EIF4G3: variants seen among roughly 807,000 people sequenced by gnomAD.
EIF4G3 encodes the protein eukaryotic translation initiation factor 4 gamma 3.
Under a neutral mutation model 186.4 loss-of-function variants are expected in EIF4G3, and 34 were observed. The ratio of observed to expected loss-of-function variants is 0.18; its 90% CI spans 0.14 to 0.24. The LOEUF is 0.24. EIF4G3 is among the 10% of genes least tolerant of loss of function. The probability of loss-of-function intolerance (pLI) is 1.00; values close to 1 mark genes in which losing one functional copy is unlikely to be tolerated. For missense variants in EIF4G3, 1,536 were observed against 1,948.5 expected (o/e 0.79, Z 3.99); for synonymous variants, 673 against 679.5 (o/e 0.99, Z 0.15).
chr1:21,099,308 G>A lies in EIF4G3; in HGVS notation c.-271-10095C>T, dbSNP rs188275171. On this transcript the variant is annotated intron_variant, in intron 2 of 36. Coordinates refer to ENST00000602326, the MANE Select transcript of EIF4G3 (RefSeq NM_001391906.1). ...ACAACTTAAATTTACACAAAACCCTGAACACAAATGCTTGCAGCAGTTTCA... is the reference window on the plus strand; with the variant it reads ...ACAACTTAAATTTACACAAAACCCTAAACACAAATGCTTGCAGCAGTTTCA... Among the ~76,000 whole-genome samples, 1,034 of 152,218 alleles carry A rather than the reference G, an allele frequency of 6.8e-3. 13 individuals carry two copies. Among genetic ancestry groups the A allele is most frequent in the African/African-American group, 0.024 (981 of 41,512 alleles).
chr1:20,816,841 G>A lies in EIF4G3; in HGVS notation c.4515+551C>T, dbSNP rs1410163916. The stretch of plus-strand genomic sequence containing the variant: ...GAAAAAATTGAGAAATCGGATGGTT[G>A]CCGGGTCTGTGTAGAAAGAAGTAGA... On this transcript the variant is annotated intron_variant, in intron 34 of 36. Transcript: ENST00000602326. Among the ~76,000 whole-genome samples the A allele has an allele frequency of 5.1e-5, 5 of 98,398 alleles. 1 individual carries two copies. Among genetic ancestry groups the A allele is most frequent in the African/African-American group, 1.8e-4 (5 of 28,158 alleles). The allele number at this position is 98,398 out of a possible 152,430, so 64.6% of individuals were successfully genotyped here.
At chr1:20,995,892 G>A (rs1157005602) in intron 7 of EIF4G3, among the ~76,000 whole-genome samples, 1 of 152,154 alleles carries the variant, frequency 6.6e-6, no homozygotes, top group Non-Finnish European at 1.5e-5. Flanking sequence ...ACATAAAGGA[G>A]ATCAGAAAAC....
chr1:21,100,747 C>T (rs925785542), intron 2 of EIF4G3, among the ~76,000 whole-genome samples: 7 of 151,978 alleles, frequency 4.6e-5, no homozygotes, highest in African/African-American at 1.7e-4. Flanking sequence ...TATGGCTTAT[C>T]CTGCGAATCT....
At chr1:21,167,237 T>C (rs549363797) in intron 2 of EIF4G3, among the ~76,000 whole-genome samples, 1 of 152,338 alleles carries the variant, frequency 6.6e-6, no homozygotes, top group African/African-American at 2.4e-5. Context: ...TCATTTTCTA[T>C]TCCCACTTAA....
chr1:21,097,651 G>A (rs2096407327), intron 2 of EIF4G3, among the ~76,000 whole-genome samples: 1 of 152,176 alleles, frequency 6.6e-6, no homozygotes, highest in Admixed American at 6.6e-5. Context: ...CAACCTGTAA[G>A]AAGGCCCACA....
At chr1:21,167,545 G>A (rs776547319) in intron 2 of EIF4G3, among the ~76,000 whole-genome samples, 15 of 152,058 alleles carry the variant, frequency 9.9e-5, no homozygotes, top group Non-Finnish European at 2.2e-4. Context: ...GAAGGCCAAG[G>A]TCAGGAGTTC....
chr1:20,931,923 TA>T (rs11290279), intron 14 of EIF4G3, among the ~76,000 whole-genome samples: 134,733 of 148,092 alleles, frequency 0.91, 61,695 homozygotes, highest in East Asian at 1. Context: ...GACTCTGTCT[TA>T]AAAAAAAAAA....
At chr1:20,919,721 G>A (rs942910303) in intron 14 of EIF4G3, among the ~76,000 whole-genome samples, 7 of 152,080 alleles carry the variant, frequency 4.6e-5, no homozygotes, top group African/African-American at 1.2e-4. Flanking sequence ...CTATGATCTG[G>A]CATGTTTCTC....
chr1:21,122,057 T>G (rs2096934970), intron 2 of EIF4G3, among the ~76,000 whole-genome samples: 1 of 152,162 alleles, frequency 6.6e-6, no homozygotes, highest in Admixed American at 6.5e-5. Context: ...CAGCCAAGAC[T>G]GAACCCAGGT....
intron 14 of EIF4G3, 101 bp downstream of exon 14, chr1:20,941,390 A>T: frequency 6.2e-7 from 1 of 1,611,576 alleles, no homozygotes; most frequent in Non-Finnish European, 8.5e-7. Context: ...CATTCATTCG[A>T]TGTTTCTGGA....
intron 27 of EIF4G3, among the ~76,000 whole-genome samples, chr1:20,852,695 C>T (rs1004442642): frequency 6.6e-6 from 1 of 152,124 alleles, no homozygotes; most frequent in African/African-American, 2.4e-5. Flanking sequence ...TGTGAAAGAA[C>T]ATACACAAGT....
chr1:20,960,934 T>C (rs182083037), intron 12 of EIF4G3, among the ~76,000 whole-genome samples: 21 of 152,296 alleles, frequency 1.4e-4, no homozygotes, highest in Admixed American at 8.5e-4. Flanking sequence ...AAAAGAAACG[T>C]GTACAACAGA....
intron 4 of EIF4G3, among the ~76,000 whole-genome samples, chr1:21,024,313 C>T (rs1188219541): frequency 2.0e-5 from 3 of 151,742 alleles, no homozygotes; most frequent in Admixed American, 6.6e-5. Flanking sequence ...AGCCCCTCTG[C>T]CCGGCCAGCC....
chr1:20,946,616 A>T (rs2095961890), intron 13 of EIF4G3, among the ~76,000 whole-genome samples: 1 of 152,170 alleles, frequency 6.6e-6, no homozygotes. Context: ...ATGTGCCAGG[A>T]ACTGGGTCAA....
chr1:20,836,609 T>C (rs1437272502), intron 30 of EIF4G3, among the ~76,000 whole-genome samples: 1 of 152,196 alleles, frequency 6.6e-6, no homozygotes, highest in African/African-American at 2.4e-5. Flanking sequence ...CAGAAAAGTA[T>C]TCAAGGAAGA....
chr1:20,807,197 T>C lies in EIF4G3; in HGVS notation c.*122A>G, dbSNP rs1276006164. 1.3e-6 allele frequency: 1 copy of C among 785,500 alleles called. No individual in the cohort carries two copies. The allele number at this position is 785,500 out of a possible 1,614,324, so 48.7% of individuals were successfully genotyped here. On this transcript the variant is annotated 3_prime_UTR_variant, in exon 37 of 37. Transcript: ENST00000602326. ...TTTTTTTCTCTTTCCCCTCTCCCAC[T>C]CGTGCACACGTGGGGGTTTCTGCGA...
At chr1:20,904,626 T>G (rs1297380604) in intron 15 of EIF4G3, among the ~76,000 whole-genome samples, 1 of 152,166 alleles carries the variant, frequency 6.6e-6, no homozygotes, top group African/African-American at 2.4e-5. Context: ...GGGATTACAG[T>G]TGTTAGCCAC....
intron 14 of EIF4G3, 124 bp downstream of exon 14, chr1:20,941,367 C>T (rs759444975): frequency 6.2e-7 from 1 of 1,601,754 alleles, no homozygotes; most frequent in Non-Finnish European, 8.5e-7. Context: ...AGAAACCAGA[C>T]TAGGAATTTC....
chr1:20,898,973 G>A (rs182834589), intron 16 of EIF4G3, among the ~76,000 whole-genome samples: 50 of 152,112 alleles, frequency 3.3e-4, no homozygotes, highest in Admixed American at 1.8e-3. Flanking sequence ...CAGGTGATCC[G>A]CCCGCCTCGG....
Sources: gnomAD v4.1 joint callset for allele counts (sites outside exome capture counted in the v4.1 genomes callset) on GRCh38, gnomAD v4.1.1 for gene constraint, MANE v1.5 for transcripts, NCBI Gene and HGNC (gene_info 2026-07-23, HGNC 2026-07-21) for gene names.